Variants in ATM observed in about 807,000 individuals in gnomAD.
ATM encodes the protein serine-protein kinase ATM.
Under a neutral mutation model 387.0 loss-of-function variants are expected in ATM, and 308 were observed. The ratio of observed to expected loss-of-function variants is 0.80; its 90% CI spans 0.73 to 0.87. The LOEUF (loss-of-function observed/expected upper bound fraction) is 0.87. ATM is among the 40% of genes least tolerant of loss of function. The pLI, the probability that ATM is intolerant of heterozygous loss-of-function variation, is 0.00. For missense variants in ATM, 3,312 were observed against 3,560.9 expected (o/e 0.93, Z 1.78); for synonymous variants, 1,156 against 1,187.3 (o/e 0.97, Z 0.54).
intron 38 of ATM, chr11:108,308,533 C>A: frequency 5.4e-6 from 1 of 185,258 alleles, no homozygotes; most frequent in African/African-American, 2.4e-5. Context: ...AGATTTTTAA[C>A]AGTGCATACA....
At chr11:108,301,440 T>C (rs1428476090) in intron 34 of ATM, among the ~76,000 whole-genome samples, 1 of 152,228 alleles carries the variant, frequency 6.6e-6, no homozygotes, top group East Asian at 1.9e-4. Context: ...ATGAAGGGAA[T>C]TGCAGTTGCA....
intron 1 of ATM, chr11:108,223,501 TAGTC>T (rs2078590486): frequency 6.6e-6 from 1 of 152,256 alleles, no homozygotes; most frequent in African/African-American, 2.4e-5. Flanking sequence ...TTAGTACTTT[TAGTC>T]AGCGAGCATT....
rs774925473 is a variant in ATM at position 108,309,110 on chromosome 11, A to G, written c.5763-1050A>G. On this transcript the variant is annotated intron_variant, in intron 38 of 62. Transcript: ENST00000675843. ...GAATGGGATATAGAAAAACGGGTAA[A>G]GACATGCATTCAAGTCCAAGCTTGT... 96 of 1,163,090 alleles carry G rather than the reference A, an allele frequency of 8.3e-5. No individual in the cohort carries two copies. The highest frequency in any genetic ancestry group is 1.1e-4 in the Non-Finnish European group (90 of 808,586). The allele number at this position is 1,163,090 out of a possible 1,614,324, so 72.0% of individuals were successfully genotyped here.
intron 3 of ATM, among the ~76,000 whole-genome samples, chr11:108,228,875 G>C (rs1044991881): frequency 2.0e-5 from 3 of 152,208 alleles, no homozygotes; most frequent in Admixed American, 2.0e-4. Flanking sequence ...AAGGAGTTGA[G>C]AGAGGATTGA....
intron 9 of ATM, among the ~76,000 whole-genome samples, chr11:108,250,141 AATATATATAT>A (rs10612272): frequency 6.8e-6 from 1 of 146,482 alleles, no homozygotes; most frequent in South Asian, 2.1e-4. Flanking sequence ...AATATTGCTA[AATATATATAT>A]ATATATATAT....
At chr11:108,237,602 CTG>C (rs1439997069) in intron 5 of ATM, among the ~76,000 whole-genome samples, 5 of 151,972 alleles carry the variant, frequency 3.3e-5, no homozygotes, top group African/African-American at 9.7e-5. Flanking sequence ...GATGAGGACT[CTG>C]TGGAAGAAGC....
intron 29 of ATM, among the ~76,000 whole-genome samples, chr11:108,290,830 A>C (rs1431255598): frequency 6.7e-6 from 1 of 148,704 alleles, no homozygotes; most frequent in African/African-American, 2.6e-5. Flanking sequence ...CTCAATTAAA[A>C]AAAAAAAAAA....
intron 34 of ATM, among the ~76,000 whole-genome samples, chr11:108,300,226 G>C (rs1422085070): frequency 2.0e-5 from 3 of 152,134 alleles, no homozygotes; most frequent in Non-Finnish European, 4.4e-5. Flanking sequence ...CAGTATCAGA[G>C]GTGCCACTCT....
Position 108,356,986 on chromosome 11 carries a change from G to A in ATM, c.8850+2112G>A, listed in dbSNP as rs561855439. ...ACAGCTCCGGTATACAGCTCCCAGC[G>A]TGAGCGATGCAGAAGACAGGTGATT... On this transcript the variant is annotated intron_variant, in intron 61 of 62. Transcript: ENST00000675843. 2.6e-3 allele frequency among the ~76,000 whole-genome samples: 391 copies of A among 152,324 alleles called. 3 individuals carry two copies. Among genetic ancestry groups the A allele is most frequent in the African/African-American group, 9.0e-3 (376 of 41,570 alleles).
At chr11:108,346,007 G>T in intron 58 of ATM, 99 bp downstream of exon 58, 1 of 1,388,266 alleles carries the variant, frequency 7.2e-7, no homozygotes, top group Non-Finnish European at 1.0e-6. Context: ...AGTTGCAGGG[G>T]GATGATAGTG....
At chr11:108,284,155 T>A (rs2082366137) in intron 25 of ATM, 72 bp from the exon 26 acceptor site, 1 of 1,236,394 alleles carries the variant, frequency 8.1e-7, no homozygotes, top group East Asian at 2.6e-5. Context: ...AAACAGTTTT[T>A]AAGAACTATT....
Position 108,294,942 on chromosome 11 carries a change from C to A in ATM, c.4792C>A (p.Leu1598Ile), listed in dbSNP as rs375190373. The change falls in exon 32 of 63, where the codon CTC becomes ATC. Residue 1598 changes from leucine to isoleucine, a missense_variant. Leu to Ile is a conservative substitution (Grantham distance 5). This residue lies in a region of ATM where 1,405 missense variants were observed against 1,604.4 expected (regional missense o/e 0.88). Coordinates refer to ENST00000675843, the MANE Select transcript of ATM (RefSeq NM_000051.4). ...FSLLEEINHFLSVSVYDALPL... is the reference protein window; with the variant it reads ...FSLLEEINHFISVSVYDALPL... ...TCTCTTTTAGGAAATTAACCATTTT[C>A]TCTCAGTAAGTGTTTATGATGCACT... is the stretch of plus-strand genomic sequence containing the variant. 18 of 1,613,646 alleles carry A rather than the reference C, an allele frequency of 1.1e-5. No individual in the cohort carries two copies. The African/African-American group carries it at 2.1e-4, about 19-fold the overall frequency.
At chr11:108,275,760 G>C (rs2081910156) in intron 22 of ATM, among the ~76,000 whole-genome samples, 1 of 152,160 alleles carries the variant, frequency 6.6e-6, no homozygotes, top group Admixed American at 6.5e-5. Flanking sequence ...TTCCCTTTGT[G>C]GGTAACCCGA....
chr11:108,303,045 A>T lies in ATM; in HGVS notation c.5496+16A>T, dbSNP rs754898497. ...AATGTGTGAAGTAAGAAGATTAATT[A>T]GTCTGATATAATTCCTTGTTTATGA... On this transcript the variant is annotated intron_variant, in intron 36 of 62. Transcript: ENST00000675843. The T allele has an allele frequency of 1.9e-6, 3 of 1,598,524 alleles. No individual in the cohort carries two copies. Among genetic ancestry groups the T allele is most frequent in the African/African-American group, 2.7e-5 (2 of 74,556 alleles).
At chr11:108,332,964 A>T (rs2136580224) in intron 53 of ATM, 64 bp downstream of exon 53, 1 of 1,556,044 alleles carries the variant, frequency 6.4e-7, no homozygotes, top group African/African-American at 1.4e-5. Flanking sequence ...GAGATATATT[A>T]GTTATAGAGC....
Position 108,287,585 on chromosome 11 carries a change from T to C in ATM, c.3994-15T>C. On this transcript the variant is annotated splice_polypyrimidine_tract_variant and intron_variant, in intron 26 of 62. Coordinates refer to ENST00000675843, the MANE Select transcript of ATM (RefSeq NM_000051.4). The stretch of plus-strand genomic sequence containing the variant: ...TATAAAATATTAAATATATTTTAAT[T>C]TTGTGCCCTTGCAGATTGATCACTT... 6.6e-7 allele frequency: 1 copy of C among 1,510,632 alleles called. No homozygotes were observed. Among genetic ancestry groups the C allele is most frequent in the Non-Finnish European group, 9.2e-7 (1 of 1,087,540 alleles). The allele number at this position is 1,510,632 out of a possible 1,614,324, so 93.6% of individuals were successfully genotyped here.
rs587779829 is a variant in ATM at position 108,271,144 on chromosome 11, A to G, written c.2919A>G (p.Leu973=). 4.8e-5 allele frequency: 78 copies of G among 1,613,722 alleles called. No individual in the cohort carries two copies. Among genetic ancestry groups the G allele is most frequent in the Non-Finnish European group, 5.8e-5 (68 of 1,179,898 alleles). ...ATGTTCTTGAACTTCTGAAACCACT[A>G]TCGTAAGAAATTAAAACCTTATGTT... is the stretch of plus-strand genomic sequence containing the variant. ...MEDVLELLKP[L]SNVCSLYRRD... The change falls in exon 19 of 63, where the codon CTA becomes CTG. Residue 973 remains leucine (L), a splice_region_variant and synonymous_variant. Transcript: ENST00000675843.
At chr11:108,252,582 G>A (rs868146872) in intron 11 of ATM, among the ~76,000 whole-genome samples, 1 of 152,104 alleles carries the variant, frequency 6.6e-6, no homozygotes, top group Non-Finnish European at 1.5e-5. Flanking sequence ...ATTTATTTCA[G>A]AAATAATGTT....
intron 39 of ATM, among the ~76,000 whole-genome samples, chr11:108,311,098 C>G (rs2084117058): frequency 1.3e-5 from 2 of 152,064 alleles, no homozygotes; most frequent in African/African-American, 4.8e-5. Flanking sequence ...CTCCAAGTAG[C>G]TGGGACTATA....
Sources: gnomAD v4.1 joint callset for allele counts (sites outside exome capture counted in the v4.1 genomes callset) on GRCh38, gnomAD v4.1.1 for gene constraint, gnomAD v4.1.1 regional missense constraint, MANE v1.5 for transcripts, NCBI Gene and HGNC (gene_info 2026-07-23, HGNC 2026-07-21) for gene names.